The following LHFPL3 variants were observed in gnomAD, a reference collection of about 807,000 sequenced individuals.
LHFPL3 encodes LHFPL tetraspan subfamily member 3, also known as LHFPL tetraspan subfamily member 3 protein.
In LHFPL3, 5 loss-of-function variants were observed where a neutral mutation model predicts 19.3. That is an observed-to-expected ratio of 0.26 (90% CI 0.14 to 0.54). The LOEUF (loss-of-function observed/expected upper bound fraction) is 0.54, where lower values mean the gene tolerates loss of function less well. LHFPL3 is among the 20% of genes least tolerant of loss of function. The pLI is 0.94. For synonymous variants in LHFPL3, 133 were observed against 126.2 expected (o/e 1.05, Z -0.36); for missense variants, 249 against 307.4 (o/e 0.81, Z 1.42).
chr7:104,603,118 CTTTCTT>C (rs1554413268), intron 1 of LHFPL3, among the ~76,000 whole-genome samples: 1 of 126,792 alleles, frequency 7.9e-6, no homozygotes, highest in South Asian at 2.6e-4. Context: ...TTCTTTCTTT[CTTTCTT>C]TCTTTCTTTT....
intron 1 of LHFPL3, among the ~76,000 whole-genome samples, chr7:104,681,666 T>C (rs1792707005): frequency 6.6e-6 from 1 of 151,860 alleles, no homozygotes; most frequent in Non-Finnish European, 1.5e-5. Context: ...GGGTACATTA[T>C]CAAATTTAAT....
rs547118785 is a variant in LHFPL3 at position 104,880,389 on chromosome 7, C to T, written c.683-25798C>T. Among the ~76,000 whole-genome samples, 5 of 152,204 alleles carry T rather than the reference C, an allele frequency of 3.3e-5. No individual in the cohort carries two copies. In the South Asian group the frequency reaches 8.3e-4, roughly 25 times the overall value. On this transcript the variant is annotated intron_variant, in intron 2 of 2. Transcript: ENST00000424859. ...GCTGCTGCCATGCTTGTACAGCCTG[C>T]AGAACCATGAGCCAAATAAATCTCT...
At chr7:104,780,467 T>C (rs1341266635) in intron 2 of LHFPL3, among the ~76,000 whole-genome samples, 1 of 152,180 alleles carries the variant, frequency 6.6e-6, no homozygotes, top group Non-Finnish European at 1.5e-5. Context: ...CACAGCTTTG[T>C]AAGGCACCGG....
intron 1 of LHFPL3, among the ~76,000 whole-genome samples, chr7:104,595,197 A>T (rs935344921): frequency 1.3e-5 from 2 of 152,082 alleles, no homozygotes; most frequent in Admixed American, 1.3e-4. Flanking sequence ...TTGGTCTTTG[A>T]TGTTGGTGAC....
intron 1 of LHFPL3, among the ~76,000 whole-genome samples, chr7:104,613,945 A>G (rs1417887706): frequency 6.6e-6 from 1 of 152,162 alleles, no homozygotes; most frequent in East Asian, 1.9e-4. Context: ...CAATTAGCAC[A>G]TAAGTTAGGC....
intron 2 of LHFPL3, among the ~76,000 whole-genome samples, chr7:104,777,887 T>C (rs1794658706): frequency 6.6e-6 from 1 of 152,176 alleles, no homozygotes; most frequent in Non-Finnish European, 1.5e-5. Flanking sequence ...GGGGATCTCT[T>C]GTAACTTAAG....
At chr7:104,381,649 A>G (rs1413568162) in intron 1 of LHFPL3, among the ~76,000 whole-genome samples, 1 of 152,184 alleles carries the variant, frequency 6.6e-6, no homozygotes, top group East Asian at 1.9e-4. Context: ...TGAGTAAAAC[A>G]GAGGTGGTTC....
At chr7:104,346,276 T>G (rs1457798895) in intron 1 of LHFPL3, among the ~76,000 whole-genome samples, 2 of 152,014 alleles carry the variant, frequency 1.3e-5, no homozygotes, top group Non-Finnish European at 2.9e-5. Flanking sequence ...CCTCAAGTGA[T>G]CCACCCACCT....
chr7:104,631,707 T>C (rs1389068657), intron 1 of LHFPL3, among the ~76,000 whole-genome samples: 1 of 152,238 alleles, frequency 6.6e-6, no homozygotes, highest in Non-Finnish European at 1.5e-5. Flanking sequence ...CTAGGCACTT[T>C]CTTTTAACAA....
chr7:104,615,367 T>A (rs1300439526), intron 1 of LHFPL3, among the ~76,000 whole-genome samples: 1 of 152,228 alleles, frequency 6.6e-6, no homozygotes, highest in Non-Finnish European at 1.5e-5. Flanking sequence ...GATCATTCTT[T>A]TTTAAAAATT....
At chr7:104,793,317 T>C (rs1790058666) in intron 2 of LHFPL3, among the ~76,000 whole-genome samples, 1 of 152,132 alleles carries the variant, frequency 6.6e-6, no homozygotes, top group South Asian at 2.1e-4. Context: ...GTGGGAAATA[T>C]TTGTAACAGA....
chr7:104,564,996 A>G (rs17138696), intron 1 of LHFPL3, among the ~76,000 whole-genome samples: 16,782 of 152,222 alleles, frequency 0.11, 1,948 homozygotes, highest in African/African-American at 0.3. Flanking sequence ...ATGTAAGCCA[A>G]AAGAAGTCAG....
chr7:104,632,076 G>A (rs972931486), intron 1 of LHFPL3, among the ~76,000 whole-genome samples: 2 of 152,168 alleles, frequency 1.3e-5, no homozygotes, highest in African/African-American at 4.8e-5. Flanking sequence ...TTCTTTATGA[G>A]ATTCTGTGAG....
chr7:104,727,510 C>T (rs879312922), intron 1 of LHFPL3, among the ~76,000 whole-genome samples: 3 of 152,064 alleles, frequency 2.0e-5, no homozygotes, highest in South Asian at 2.1e-4. Context: ...CGTATAATCT[C>T]TTAATTGAGA....
At chr7:104,381,609 G>A (rs1376844468) in intron 1 of LHFPL3, among the ~76,000 whole-genome samples, 1 of 151,876 alleles carries the variant, frequency 6.6e-6, no homozygotes, top group Non-Finnish European at 1.5e-5. Flanking sequence ...CTATGTATCA[G>A]GCACTGCACT....
At chr7:104,484,020 A>T (rs370159218) in intron 1 of LHFPL3, among the ~76,000 whole-genome samples, 10 of 152,236 alleles carry the variant, frequency 6.6e-5, no homozygotes, top group African/African-American at 2.2e-4. Flanking sequence ...GTAGGTCCTT[A>T]TACAGCATCC....
At chr7:104,855,396 G>A (rs1791483478) in intron 2 of LHFPL3, among the ~76,000 whole-genome samples, 1 of 152,108 alleles carries the variant, frequency 6.6e-6, no homozygotes, top group Non-Finnish European at 1.5e-5. Flanking sequence ...TTTTGGACTT[G>A]GAGTGTGACT....
At chr7:104,832,263 T>C (rs1024873077) in intron 2 of LHFPL3, among the ~76,000 whole-genome samples, 1 of 151,986 alleles carries the variant, frequency 6.6e-6, no homozygotes, top group African/African-American at 2.4e-5. Flanking sequence ...CTATCAATCA[T>C]TCTATCAGAC....
At chr7:104,488,214 A>G (rs1193039072) in intron 1 of LHFPL3, among the ~76,000 whole-genome samples, 5 of 152,108 alleles carry the variant, frequency 3.3e-5, no homozygotes, top group African/African-American at 2.4e-5. Flanking sequence ...TCCTAAGTGA[A>G]CTTGATTGCT....
Sources: allele counts gnomAD v4.1 joint callset (sites outside exome capture counted in the v4.1 genomes callset), GRCh38; gene constraint gnomAD v4.1.1; transcripts MANE v1.5; gene names NCBI Gene and HGNC (gene_info 2026-07-23, HGNC 2026-07-21).